SLAMF6: variants seen among roughly 807,000 people sequenced by gnomAD.
SLAMF6 encodes the protein NK-T-B-antigen.
In SLAMF6, 21 loss-of-function variants were observed where a neutral mutation model predicts 38.3. The observed-to-expected ratio is 0.55, with a 90% CI of 0.39 to 0.79. The LOEUF (loss-of-function observed/expected upper bound fraction) is 0.79. Ranked by LOEUF, SLAMF6 falls within the 30% of genes least tolerant of loss-of-function variation. The probability of loss-of-function intolerance (pLI) is 0.00; values close to 1 mark genes in which losing one functional copy is unlikely to be tolerated. For synonymous variants in SLAMF6, 152 were observed against 146.3 expected, an observed-to-expected ratio of 1.04 and a Z score of -0.28; for missense variants, 341 against 385.3, an observed-to-expected ratio of 0.89 and a Z score of 0.96.
intron 1 of SLAMF6, among the ~76,000 whole-genome samples, chr1:160,517,206 T>C (rs1654784760): frequency 6.6e-6 from 1 of 152,014 alleles, no homozygotes. Context: ...GCAAAGGACA[T>C]TAACAGACAC....
At chr1:160,488,948 T>C in intron 6 of SLAMF6, 140 bp downstream of exon 6, 1 of 733,340 alleles carries the variant, frequency 1.4e-6, no homozygotes. Flanking sequence ...GTCTAGCGCA[T>C]AACTTTGCAG....
At chr1:160,522,095 T>C (rs761989236) in intron 1 of SLAMF6, among the ~76,000 whole-genome samples, 2 of 152,202 alleles carry the variant, frequency 1.3e-5, no homozygotes, top group African/African-American at 2.4e-5. Context: ...AACTCCATAT[T>C]GATGGGATCT....
chr1:160,515,514 A>G (rs894903734), intron 1 of SLAMF6, among the ~76,000 whole-genome samples: 1 of 152,232 alleles, frequency 6.6e-6, no homozygotes, highest in Non-Finnish European at 1.5e-5. Flanking sequence ...TTATGAGGCC[A>G]GTATCATCCT....
chr1:160,502,685 T>A (rs1653975014), intron 1 of SLAMF6, among the ~76,000 whole-genome samples: 1 of 152,034 alleles, frequency 6.6e-6, no homozygotes, highest in South Asian at 2.1e-4. Flanking sequence ...AGGAGAGAGG[T>A]AGAACTAAGC....
chr1:160,492,222 A>C (rs1653341262), intron 2 of SLAMF6, among the ~76,000 whole-genome samples: 1 of 152,214 alleles, frequency 6.6e-6, no homozygotes, highest in South Asian at 2.1e-4. Flanking sequence ...GTTTGAAGTA[A>C]AGATGACCCA....
chr1:160,487,700 C>T (rs969120933), intron 6 of SLAMF6, among the ~76,000 whole-genome samples: 9 of 152,112 alleles, frequency 5.9e-5, no homozygotes, highest in African/African-American at 2.2e-4. Context: ...GCCTGGAATG[C>T]ACATTACAGA....
rs1249552 is a variant in SLAMF6 at position 160,486,779 on chromosome 1, G to C, written c.952-25C>G. 24,742 of 1,613,580 alleles carry C rather than the reference G, an allele frequency of 0.015. 1,692 individuals carry two copies. In the African/African-American group the frequency reaches 0.19, roughly 12 times the overall value. On this transcript the variant is annotated intron_variant, in intron 7 of 7. Coordinates refer to ENST00000368057, the MANE Select transcript of SLAMF6 (RefSeq NM_001184714.2). Reference sequence around the variant, plus strand: ...TCTGTGGGAAAAAGAGGAAGATGAGGTAGGTTAATTGGAACTGGAACCTCA... The same window carrying C: ...TCTGTGGGAAAAAGAGGAAGATGAGCTAGGTTAATTGGAACTGGAACCTCA...
chr1:160,505,577 A>T (rs1654140480), intron 1 of SLAMF6, among the ~76,000 whole-genome samples: 1 of 152,054 alleles, frequency 6.6e-6, no homozygotes, highest in Non-Finnish European at 1.5e-5. Flanking sequence ...AATTTTTAAA[A>T]TATTTTGTAG....
At chr1:160,492,984 TC>T (rs34748422) in intron 2 of SLAMF6, among the ~76,000 whole-genome samples, 3,183 of 152,214 alleles carry the variant, frequency 0.021, 96 homozygotes, top group South Asian at 0.069. Flanking sequence ...CTTCTACCCT[TC>T]CCCCTTGAAC....
rs1652977562 is a variant in SLAMF6, at chr1:160,486,656, T to C, written c.*51A>G. On this transcript the variant is annotated 3_prime_UTR_variant, in exon 8 of 8. Coordinates refer to ENST00000368057, the MANE Select transcript of SLAMF6 (RefSeq NM_001184714.2). ...GCTTCCTGTTCTTTGTTCTGTCTCA[T>C]GGGATCAGAAGACGTGTCATTCCCG... 1.3e-6 allele frequency: 2 copies of C among 1,539,082 alleles called. No homozygotes were observed. Among genetic ancestry groups the C allele is most frequent in the East Asian group, 2.3e-5 (1 of 44,438 alleles).
chr1:160,499,352 A>G (rs1653760701), intron 1 of SLAMF6, among the ~76,000 whole-genome samples: 1 of 152,176 alleles, frequency 6.6e-6, no homozygotes, highest in Admixed American at 6.5e-5. Context: ...TGGCCTTGTC[A>G]AAAATCAGAT....
At chr1:160,521,554 G>T (rs1047906176) in intron 1 of SLAMF6, among the ~76,000 whole-genome samples, 2 of 152,072 alleles carry the variant, frequency 1.3e-5, no homozygotes, top group Non-Finnish European at 2.9e-5. Flanking sequence ...ATGAAGGAAA[G>T]AATTCTCTCT....
intron 1 of SLAMF6, among the ~76,000 whole-genome samples, chr1:160,510,889 G>A (rs73014362): frequency 6.6e-6 from 1 of 152,068 alleles, no homozygotes; most frequent in Admixed American, 6.6e-5. Flanking sequence ...CAGCAAAGTT[G>A]CAAGATACAA....
intron 1 of SLAMF6, among the ~76,000 whole-genome samples, chr1:160,496,939 C>T (rs1653617225): frequency 6.6e-6 from 1 of 152,130 alleles, no homozygotes; most frequent in Non-Finnish European, 1.5e-5. Flanking sequence ...GTCTGTGAGG[C>T]AGGCAGGATG....
chr1:160,505,662 C>A (rs1409262469), intron 1 of SLAMF6, among the ~76,000 whole-genome samples: 3 of 152,204 alleles, frequency 2.0e-5, no homozygotes, highest in African/African-American at 4.8e-5. Flanking sequence ...TCGGCCCCCA[C>A]AAAGTGCTGA....
At chr1:160,512,398 T>C (rs1423775796) in intron 1 of SLAMF6, among the ~76,000 whole-genome samples, 4 of 152,208 alleles carry the variant, frequency 2.6e-5, no homozygotes, top group African/African-American at 7.2e-5. Flanking sequence ...GGCTGCGGAC[T>C]CTGTGGATCA....
At chr1:160,517,953 G>A (rs1227962929) in intron 1 of SLAMF6, among the ~76,000 whole-genome samples, 1 of 152,028 alleles carries the variant, frequency 6.6e-6, no homozygotes, top group Non-Finnish European at 1.5e-5. Context: ...AACCACCAGG[G>A]CACAGGTTTA....
rs139630135 is a variant in SLAMF6 at position 160,509,778 on chromosome 1, T to C, written c.49+13366A>G. On this transcript the variant is annotated intron_variant, in intron 1 of 7. Transcript: ENST00000368057. ...GAGCAGAGATAAATAACATAGAGAA[T>C]AGAAAAACAAGAGAAATAATCAATG... Among the ~76,000 whole-genome samples, 921 of 151,880 alleles carry C rather than the reference T, an allele frequency of 6.1e-3. 4 individuals carry two copies. Among genetic ancestry groups the C allele is most frequent in the Middle Eastern group, 0.017 (5 of 294 alleles).
chr1:160,517,730 ATCC>A (rs1654812218), intron 1 of SLAMF6, among the ~76,000 whole-genome samples: 1 of 152,152 alleles, frequency 6.6e-6, no homozygotes, highest in African/African-American at 2.4e-5. Context: ...GGAAGCCATT[ATCC>A]TCAGCAAACT....
Sources: gnomAD v4.1 joint callset for allele counts (sites outside exome capture counted in the v4.1 genomes callset) on GRCh38, gnomAD v4.1.1 for gene constraint, MANE v1.5 for transcripts, NCBI Gene and HGNC (gene_info 2026-07-23, HGNC 2026-07-21) for gene names.